Variants in MAP3K20 observed in about 807,000 individuals in gnomAD.
MAP3K20 encodes mitogen-activated protein kinase kinase kinase 20.
MAP3K20 carries 40 observed loss-of-function variants against 85.7 expected under a neutral mutation model. That is an observed-to-expected ratio of 0.47 (90% CI 0.36 to 0.61). The LOEUF (loss-of-function observed/expected upper bound fraction) is 0.61. Ranked by LOEUF, MAP3K20 falls within the 20% of genes least tolerant of loss-of-function variation. The pLI, the probability that MAP3K20 is intolerant of heterozygous loss-of-function variation, is 0.00. For synonymous variants in MAP3K20, 325 were observed against 327.7 expected, an observed-to-expected ratio of 0.99 and a Z score of 0.09; for missense variants, 817 against 961.7, an observed-to-expected ratio of 0.85 and a Z score of 1.99.
At chr2:173,219,784 T>C (rs1430531378) in intron 11 of MAP3K20, among the ~76,000 whole-genome samples, 1 of 152,034 alleles carries the variant, frequency 6.6e-6, no homozygotes, top group East Asian at 1.9e-4. Context: ...ATTAGGAAAT[T>C]GAGGCCAGGC....
intron 1 of MAP3K20, among the ~76,000 whole-genome samples, chr2:173,078,107 G>A (rs1646284615): frequency 6.6e-6 from 1 of 152,212 alleles, no homozygotes; most frequent in Non-Finnish European, 1.5e-5. Context: ...GAAGCTATTA[G>A]TGTGGAGTGA....
intron 12 of MAP3K20, among the ~76,000 whole-genome samples, chr2:173,230,553 T>C (rs1684498995): frequency 6.6e-6 from 1 of 152,190 alleles, no homozygotes; most frequent in Non-Finnish European, 1.5e-5. Context: ...AGCCCTATGT[T>C]TTTGAGAGGC....
chr2:173,235,428 C>T (rs1312080196), intron 14 of MAP3K20, among the ~76,000 whole-genome samples: 2 of 152,204 alleles, frequency 1.3e-5, no homozygotes, highest in African/African-American at 4.8e-5. Context: ...TAGGACTCCA[C>T]ACTGATATGT....
chr2:173,183,279 A>G (rs1222115751), intron 4 of MAP3K20, among the ~76,000 whole-genome samples: 1 of 152,210 alleles, frequency 6.6e-6, no homozygotes, highest in Non-Finnish European at 1.5e-5. Flanking sequence ...GAAAAATCAT[A>G]GTTCTGTTGT....
intron 2 of MAP3K20, among the ~76,000 whole-genome samples, chr2:173,100,990 T>A (rs6433397): frequency 0.99 from 151,065 of 152,290 alleles, 74,939 homozygotes; most frequent in Middle Eastern, 1. Context: ...TATAAAGGTG[T>A]TAGAGGAAAT....
intron 2 of MAP3K20, among the ~76,000 whole-genome samples, chr2:173,091,626 T>G (rs956717433): frequency 7.9e-5 from 12 of 152,016 alleles, no homozygotes; most frequent in Non-Finnish European, 1.5e-5. Flanking sequence ...TAAGACACTG[T>G]TTTTTTTAAC....
intron 18 of MAP3K20, among the ~76,000 whole-genome samples, chr2:173,262,756 T>C (rs916960246): frequency 2.0e-5 from 3 of 152,208 alleles, no homozygotes; most frequent in Non-Finnish European, 4.4e-5. Context: ...ATATTACTTG[T>C]CAAAGCATTG....
At chr2:173,217,380 TA>T in intron 11 of MAP3K20, 130 bp downstream of exon 11, 1 of 1,129,346 alleles carries the variant, frequency 8.9e-7, no homozygotes, top group Non-Finnish European at 1.2e-6. Flanking sequence ...GCCCGTGTAT[TA>T]AAGGGCCCGC....
chr2:173,223,942 G>A (rs1684319775), intron 11 of MAP3K20: 1 of 985,356 alleles, frequency 1.0e-6, no homozygotes, highest in Admixed American at 6.1e-5. Context: ...AGAGCCAATA[G>A]CATGGGGTTT....
chr2:173,234,207 G>C (rs1684593300), intron 14 of MAP3K20, among the ~76,000 whole-genome samples: 1 of 152,196 alleles, frequency 6.6e-6, no homozygotes, highest in African/African-American at 2.4e-5. Context: ...TCAGTTCGGA[G>C]GAAGGGTGGT....
At chr2:173,106,622 G>A (rs1306502252) in intron 2 of MAP3K20, among the ~76,000 whole-genome samples, 2 of 152,184 alleles carry the variant, frequency 1.3e-5, no homozygotes, top group Non-Finnish European at 2.9e-5. Flanking sequence ...TTTCTTCAGG[G>A]TTGTGGTTTT....
intron 16 of MAP3K20, among the ~76,000 whole-genome samples, chr2:173,258,137 C>G (rs530413870): frequency 1.3e-5 from 2 of 152,266 alleles, no homozygotes; most frequent in African/African-American, 4.8e-5. Context: ...GTCCCTCACC[C>G]ACCCCATAAC....
At chr2:173,208,180 A>G (rs1050766676) in intron 9 of MAP3K20, among the ~76,000 whole-genome samples, 2 of 152,094 alleles carry the variant, frequency 1.3e-5, no homozygotes, top group East Asian at 1.9e-4. Flanking sequence ...CAGGAAGATC[A>G]CTTGGGACAA....
chr2:173,242,177 ATT>A (rs111864866), intron 16 of MAP3K20, among the ~76,000 whole-genome samples: 1 of 142,626 alleles, frequency 7.0e-6, no homozygotes, highest in Non-Finnish European at 1.5e-5. Flanking sequence ...AGAAAAAAAA[ATT>A]TTTTTTTTTT....
intron 2 of MAP3K20, among the ~76,000 whole-genome samples, chr2:173,108,057 T>C (rs12986917): frequency 0.28 from 42,782 of 152,162 alleles, 7,442 homozygotes; most frequent in Non-Finnish European, 0.39. Flanking sequence ...CTCATCCTTT[T>C]TAAAAAAATT....
intron 16 of MAP3K20, among the ~76,000 whole-genome samples, chr2:173,253,477 C>CCA (rs1489862480): frequency 2.0e-5 from 3 of 152,056 alleles, no homozygotes; most frequent in African/African-American, 7.2e-5. Context: ...TGATCTTGCC[C>CCA]CACCTTGCCC....
intron 7 of MAP3K20, among the ~76,000 whole-genome samples, chr2:173,196,630 G>A (rs1690849862): frequency 6.6e-6 from 1 of 152,212 alleles, no homozygotes; most frequent in Non-Finnish European, 1.5e-5. Context: ...TGGTTGAAAT[G>A]AGACTGAGCA....
Position 173,224,345 on chromosome 2 carries a change from C to T in MAP3K20, c.988-5344C>T, listed in dbSNP as rs1180397211. On this transcript the variant is annotated intron_variant, in intron 11 of 19. Coordinates refer to ENST00000375213, the MANE Select transcript of MAP3K20 (RefSeq NM_016653.3). Reference sequence around the variant, plus strand: ...AGAATGATCAGCAATACGTTTAGAACATATGAACTGAATGAAATGGACATT... The same window carrying T: ...AGAATGATCAGCAATACGTTTAGAATATATGAACTGAATGAAATGGACATT... 5 of 985,214 alleles carry T rather than the reference C, an allele frequency of 5.1e-6. No homozygotes were observed. The African/African-American group carries it at 7.0e-5, about 14-fold the overall frequency. 61.0% of individuals were successfully genotyped at this position (985,214 alleles called of 1,614,324 possible).
intron 2 of MAP3K20, among the ~76,000 whole-genome samples, chr2:173,114,374 A>G (rs1233173504): frequency 1.3e-5 from 2 of 152,166 alleles, no homozygotes; most frequent in Non-Finnish European, 2.9e-5. Flanking sequence ...CATTTAGGCC[A>G]TTTACATTCA....
Sources: allele counts gnomAD v4.1 joint callset (sites outside exome capture counted in the v4.1 genomes callset), GRCh38; gene constraint gnomAD v4.1.1; transcripts MANE v1.5; gene names NCBI Gene and HGNC (gene_info 2026-07-23, HGNC 2026-07-21).